The following DPY19L2 variants were observed in gnomAD, a reference collection of about 807,000 sequenced individuals.
DPY19L2 encodes the protein probable C-mannosyltransferase DPY19L2.
DPY19L2 carries 34 observed loss-of-function variants against 97.9 expected under a neutral mutation model. That is an observed-to-expected ratio of 0.35 (90% confidence interval 0.26 to 0.46). The LOEUF (loss-of-function observed/expected upper bound fraction) is 0.46. Among genes scored for constraint, DPY19L2 ranks in the 20% least tolerant of loss-of-function variants. DPY19L2 has a pLI of 1.00. For synonymous variants in DPY19L2, 230 were observed against 307.9 expected (o/e 0.75, Z 2.65); for missense variants, 623 against 911.4 (o/e 0.68, Z 4.07).
chr12:63,624,991 A>G (rs1392425885), intron 7 of DPY19L2, among the ~76,000 whole-genome samples: 1 of 152,192 alleles, frequency 6.6e-6, no homozygotes, highest in East Asian at 1.9e-4. Context: ...TTGTTGAATG[A>G]CAATGCATTT....
In DPY19L2 at chr12:63,580,654, C is replaced by G; in HGVS notation, c.1900+8G>C. ...ATAAAACTAGCATATAACCAAATAC[C>G]TACACACCTGATGTGGTACTGTATT... On this transcript the variant is annotated splice_region_variant and intron_variant, in intron 19 of 21. Coordinates refer to ENST00000324472, the MANE Select transcript of DPY19L2 (RefSeq NM_173812.5). 3 of 1,600,990 alleles carry G rather than the reference C, an allele frequency of 1.9e-6. No homozygotes were observed. The highest frequency in any genetic ancestry group is 2.6e-6 in the Non-Finnish European group (3 of 1,175,050).
chr12:63,572,174 G>A (rs1161020717), intron 19 of DPY19L2, among the ~76,000 whole-genome samples: 3 of 152,296 alleles, frequency 2.0e-5, no homozygotes, highest in Admixed American at 2.0e-4. Flanking sequence ...CCTGCCCTGG[G>A]CTGGAAGAGA....
rs555793592 is a variant in DPY19L2 at position 63,563,715 on chromosome 12, T to A, written c.2127-3053A>T. ...TGTGTTCATGATAAATTTTGATTGG[T>A]TGTTTCCTTTTATTGTAATGTTTCT... On this transcript the variant is annotated intron_variant, in intron 21 of 21. Transcript: ENST00000324472. Among the ~76,000 whole-genome samples the A allele has an allele frequency of 2.1e-3, 325 of 152,268 alleles. 3 individuals carry two copies. Among genetic ancestry groups the A allele is most frequent in the African/African-American group, 7.4e-3 (309 of 41,556 alleles).
intron 19 of DPY19L2, among the ~76,000 whole-genome samples, chr12:63,571,779 A>G (rs1021561106): frequency 2.0e-5 from 3 of 152,180 alleles, no homozygotes; most frequent in Non-Finnish European, 4.4e-5. Context: ...ATCAAAATCT[A>G]TCTGGCTTCC....
intron 6 of DPY19L2, among the ~76,000 whole-genome samples, chr12:63,631,103 C>T (rs1387824988): frequency 3.3e-5 from 5 of 151,972 alleles, no homozygotes. Flanking sequence ...TAAATGCCCA[C>T]AAGAGAAAGC....
At chr12:63,649,327 C>A (rs1893861712) in intron 4 of DPY19L2, among the ~76,000 whole-genome samples, 1 of 152,024 alleles carries the variant, frequency 6.6e-6, no homozygotes, top group Non-Finnish European at 1.5e-5. Flanking sequence ...ATAACCAAAT[C>A]AGAGATGAAC....
At chr12:63,628,689 G>A (rs1890033693) in intron 6 of DPY19L2, among the ~76,000 whole-genome samples, 1 of 151,764 alleles carries the variant, frequency 6.6e-6, no homozygotes, top group Non-Finnish European at 1.5e-5. Context: ...AGACTTAAAT[G>A]TCCCTGTCTG....
intron 8 of DPY19L2, among the ~76,000 whole-genome samples, chr12:63,622,012 T>C (rs532452991): frequency 2.0e-5 from 3 of 152,294 alleles, no homozygotes; most frequent in East Asian, 3.9e-4. Context: ...ATAAATTCTG[T>C]ATTGGATTTT....
chr12:63,615,591 C>A (rs1472800431), intron 11 of DPY19L2, among the ~76,000 whole-genome samples: 3 of 152,152 alleles, frequency 2.0e-5, no homozygotes, highest in Non-Finnish European at 4.4e-5. Context: ...TCCACATGTT[C>A]TATGACTGTG....
At chr12:63,642,591 C>G (rs186723595) in intron 6 of DPY19L2, among the ~76,000 whole-genome samples, 2,483 of 152,228 alleles carry the variant, frequency 0.016, 75 homozygotes, top group African/African-American at 0.056. Flanking sequence ...GCGATACCCA[C>G]TCTTCCATAT....
intron 12 of DPY19L2, among the ~76,000 whole-genome samples, chr12:63,601,476 C>T (rs965490234): frequency 1.3e-5 from 2 of 152,074 alleles, no homozygotes; most frequent in African/African-American, 4.8e-5. Flanking sequence ...AATACAACCA[C>T]ATACATGGCA....
chr12:63,624,817 G>C (rs1367330138), intron 7 of DPY19L2, among the ~76,000 whole-genome samples: 2 of 152,030 alleles, frequency 1.3e-5, no homozygotes, highest in Non-Finnish European at 2.9e-5. Flanking sequence ...GAAAGAATGT[G>C]AACTCTTATT....
intron 12 of DPY19L2, among the ~76,000 whole-genome samples, chr12:63,603,640 C>T (rs1885554435): frequency 6.6e-6 from 1 of 152,260 alleles, no homozygotes; most frequent in Non-Finnish European, 1.5e-5. Context: ...TCTGTTCCTA[C>T]ATTAGTTTGC....
intron 21 of DPY19L2, among the ~76,000 whole-genome samples, chr12:63,565,634 G>C (rs1473440324): frequency 6.6e-6 from 1 of 151,828 alleles, no homozygotes; most frequent in African/African-American, 2.4e-5. Context: ...TGGCCATCGT[G>C]GGGGGCTCAT....
At chr12:63,625,747 C>T (rs1224552333) in intron 7 of DPY19L2, among the ~76,000 whole-genome samples, 1 of 152,016 alleles carries the variant, frequency 6.6e-6, no homozygotes, top group African/African-American at 2.4e-5. Context: ...TGCTGTCAGG[C>T]CTGAGGCCTC....
chr12:63,566,990 G>A (rs1877847467), intron 21 of DPY19L2, among the ~76,000 whole-genome samples: 1 of 152,050 alleles, frequency 6.6e-6, no homozygotes, highest in African/African-American at 2.4e-5. Context: ...TTTACCATCT[G>A]TTTGTGCTGG....
Position 63,566,622 on chromosome 12 carries a change from A to G in DPY19L2, c.2126+2602T>C, listed in dbSNP as rs540988234. Among the ~76,000 whole-genome samples the G allele has an allele frequency of 2.0e-5, 3 of 152,036 alleles. No individual in the cohort carries two copies. The South Asian group carries it at 6.2e-4, about 32-fold the overall frequency. On this transcript the variant is annotated intron_variant, in intron 21 of 21. Transcript: ENST00000324472. Reference sequence around the variant, plus strand: ...TTCATCCAGGATCTTGAGTGTATCAATAGTTTGACCCTATTGCTGAGCAGT... The same window carrying G: ...TTCATCCAGGATCTTGAGTGTATCAGTAGTTTGACCCTATTGCTGAGCAGT...
chr12:63,640,894 G>T (rs1210557219), intron 6 of DPY19L2, among the ~76,000 whole-genome samples: 3 of 151,976 alleles, frequency 2.0e-5, no homozygotes, highest in African/African-American at 7.3e-5. Flanking sequence ...TTTATTTATT[G>T]ATTTATTTTT....
chr12:63,614,204 A>G (rs113359540), intron 11 of DPY19L2, among the ~76,000 whole-genome samples: 1 of 151,178 alleles, frequency 6.6e-6, no homozygotes, highest in Non-Finnish European at 1.5e-5. Flanking sequence ...AAAAAAAAAA[A>G]AAGAAGAAAA....
Sources: allele counts gnomAD v4.1 joint callset (sites outside exome capture counted in the v4.1 genomes callset), GRCh38; gene constraint gnomAD v4.1.1; transcripts MANE v1.5; gene names NCBI Gene and HGNC (gene_info 2026-07-23, HGNC 2026-07-21).